The following TIAM2 variants were observed in gnomAD, a reference collection of about 807,000 sequenced individuals.
TIAM2 encodes the protein rho guanine nucleotide exchange factor TIAM2.
TIAM2 carries 80 observed loss-of-function variants against 152.9 expected under a neutral mutation model. That is an observed-to-expected ratio of 0.52 (90% CI 0.44 to 0.63). The LOEUF (loss-of-function observed/expected upper bound fraction) is 0.63. TIAM2 is among the 30% of genes least tolerant of loss of function. The pLI is 0.00. For missense variants in TIAM2, 1,965 were observed against 2,120.1 expected (o/e 0.93, Z 1.44); for synonymous variants, 804 against 838.0 (o/e 0.96, Z 0.70).
At chr6:155,176,768 AT>A in intron 9 of TIAM2, 47 bp from the exon 10 acceptor site, 1 of 1,595,488 alleles carries the variant, frequency 6.3e-7, no homozygotes, top group Non-Finnish European at 8.5e-7. Context: ...GGTTTCCTTC[AT>A]TTGTTAATCA....
intron 5 of TIAM2, among the ~76,000 whole-genome samples, chr6:155,141,510 T>C (rs1038357037): frequency 6.6e-6 from 1 of 152,208 alleles, no homozygotes; most frequent in African/African-American, 2.4e-5. Context: ...ACAAACCATC[T>C]GGTTATCTGC....
chr6:155,101,724 A>G (rs527709233), intron 2 of TIAM2, among the ~76,000 whole-genome samples: 21 of 152,122 alleles, frequency 1.4e-4, no homozygotes, highest in African/African-American at 4.6e-4. Context: ...TTATTTATTT[A>G]TTTAGAGACA....
rs951129846 is a variant in TIAM2, at chr6:155,180,522, T to C, written c.2707+1066T>C. Among the ~76,000 whole-genome samples, 2 of 152,246 alleles carry C rather than the reference T, an allele frequency of 1.3e-5. 1 individual carries two copies. Among genetic ancestry groups the C allele is most frequent in the East Asian group, 3.8e-4 (2 of 5,204 alleles). ...TGATTCAAACTAATAATAAAGTTTA[T>C]AATATGTTAAAATGTCCTTTTTAGG... On this transcript the variant is annotated intron_variant, in intron 12 of 26. Coordinates refer to ENST00000682666, the MANE Select transcript of TIAM2 (RefSeq NM_012454.4).
intron 14 of TIAM2, among the ~76,000 whole-genome samples, chr6:155,187,573 C>CTCTTTT (rs1781074342): frequency 4.0e-5 from 2 of 49,614 alleles, no homozygotes; most frequent in Non-Finnish European, 7.4e-5. Context: ...ACCCCGCCCC[C>CTCTTTT]TTTTTTTTTT....
chr6:155,018,396 G>C (rs1200899757), intron 1 of TIAM2, among the ~76,000 whole-genome samples: 1 of 151,914 alleles, frequency 6.6e-6, no homozygotes, highest in Admixed American at 6.6e-5. Flanking sequence ...TGGCCAGGTG[G>C]ATCACTTGAG....
chr6:155,146,862 G>C (rs1779831362), intron 6 of TIAM2, among the ~76,000 whole-genome samples: 1 of 148,656 alleles, frequency 6.7e-6, no homozygotes, highest in Admixed American at 6.7e-5. Context: ...CAAGTGACCT[G>C]CTCGCCTTGG....
chr6:155,029,551 G>A (rs1257188508), intron 1 of TIAM2, among the ~76,000 whole-genome samples: 1 of 49,256 alleles, frequency 2.0e-5, no homozygotes, highest in Admixed American at 3.0e-4. Context: ...ATATTATGTA[G>A]TATAAATATA....
At chr6:155,233,798 C>T (rs1274840192) in intron 15 of TIAM2, among the ~76,000 whole-genome samples, 1 of 151,984 alleles carries the variant, frequency 6.6e-6, no homozygotes, top group Admixed American at 6.6e-5. Flanking sequence ...CCCTTCTCTA[C>T]TAAAAATCAA....
intron 17 of TIAM2, 141 bp downstream of exon 17, chr6:155,244,220 T>A: frequency 1.2e-6 from 1 of 805,932 alleles, no homozygotes; most frequent in Non-Finnish European, 2.0e-6. Context: ...GTCCCAGGCA[T>A]AGCCTCCTCC....
chr6:155,256,909 T>G lies in TIAM2; in HGVS notation c.4894T>G (p.Phe1632Val). 6.2e-7 allele frequency: 1 copy of G among 1,614,228 alleles called. No individual in the cohort carries two copies. ...GEQPKLVRGH[F>V]CPIKRKANST... ...GCAGCCCAAACTGGTCCGGGGGCAC[T>G]TCTGCCCCATTAAACGAAAAGCCAA... is the stretch of plus-strand genomic sequence containing the variant. Residue 1632 changes from phenylalanine (F) to valine (V), a missense_variant, in exon 27 of 27, where the codon TTC (phenylalanine) becomes GTC (valine). Around this residue, in one of 3 missense-constraint regions of TIAM2, gnomAD observed 935 missense variants for 980.0 expected, o/e 0.95. Coordinates refer to ENST00000682666, the MANE Select transcript of TIAM2 (RefSeq NM_012454.4).
intron 2 of TIAM2, among the ~76,000 whole-genome samples, chr6:155,115,452 C>A (rs1170977760): frequency 6.6e-6 from 1 of 151,820 alleles, no homozygotes; most frequent in Non-Finnish European, 1.5e-5. Context: ...AGTTGAAAAT[C>A]AGCCTGGGCA....
intron 1 of TIAM2, among the ~76,000 whole-genome samples, chr6:155,055,140 T>G (rs1245210287): frequency 1.3e-5 from 2 of 152,178 alleles, no homozygotes; most frequent in African/African-American, 2.4e-5. Flanking sequence ...GGATCACTGT[T>G]CATTGCAGAA....
chr6:155,001,470 A>T (rs1443477261), intron 1 of TIAM2, among the ~76,000 whole-genome samples: 2 of 152,236 alleles, frequency 1.3e-5, no homozygotes, highest in Non-Finnish European at 2.9e-5. Flanking sequence ...TTTTTTCATA[A>T]CATTAAGGAA....
chr6:155,240,471 C>T, intron 15 of TIAM2, 59 bp from the exon 16 acceptor site: 1 of 1,521,876 alleles, frequency 6.6e-7, no homozygotes, highest in Non-Finnish European at 8.9e-7. Context: ...CCCTTGGGGG[C>T]AGCGGATACT....
Position 155,257,350 on chromosome 6 carries a change from T to C in TIAM2, c.*229T>C. The C allele has an allele frequency of 1.9e-6, 1 of 530,458 alleles. No homozygotes were observed. Among genetic ancestry groups the C allele is most frequent in the Non-Finnish European group, 3.3e-6 (1 of 304,294 alleles). The allele number at this position is 530,458 out of a possible 1,614,324, so 32.9% of individuals were successfully genotyped here. On this transcript the variant is annotated 3_prime_UTR_variant, in exon 27 of 27. Coordinates refer to ENST00000682666, the MANE Select transcript of TIAM2 (RefSeq NM_012454.4). ...GTAAATTACTTAGTTTATATCCACT[T>C]TGAGCAGGTATCAAATGATTTAGGA... is the stretch of plus-strand genomic sequence containing the variant.
chr6:155,014,473 C>G (rs953242486), intron 1 of TIAM2, among the ~76,000 whole-genome samples: 1 of 151,888 alleles, frequency 6.6e-6, no homozygotes, highest in Non-Finnish European at 1.5e-5. Context: ...TAATGTAAAT[C>G]TTGCTGAGTT....
chr6:155,171,473 G>GA lies in TIAM2; in HGVS notation c.2362-5339dup, dbSNP rs572944077. 6.6e-5 allele frequency among the ~76,000 whole-genome samples: 10 copies of GA among 152,172 alleles called. No homozygotes were observed. In the South Asian group the frequency reaches 2.1e-3, roughly 32 times the overall value. On this transcript the variant is annotated intron_variant, in intron 9 of 26. Coordinates refer to ENST00000682666, the MANE Select transcript of TIAM2 (RefSeq NM_012454.4). ...CCCTGGGCCTTGGCCCCTTCTTCTGGAAAATTGGCTTGGGGTATTCCAACT... is the reference window on the plus strand; with the variant it reads ...CCCTGGGCCTTGGCCCCTTCTTCTGGAAAAATTGGCTTGGGGTATTCCAACT...
chr6:155,002,028 T>C (rs2114836584), intron 1 of TIAM2, among the ~76,000 whole-genome samples: 1 of 152,368 alleles, frequency 6.6e-6, no homozygotes, highest in South Asian at 2.1e-4. Flanking sequence ...TAAAGAGCAT[T>C]CTGTGCCTTA....
chr6:155,149,911 A>G (rs553379261), intron 7 of TIAM2, among the ~76,000 whole-genome samples: 17 of 148,056 alleles, frequency 1.1e-4, no homozygotes, highest in Non-Finnish European at 7.5e-5. Context: ...GAAGAGTGAG[A>G]CTCTGTATAA....
Sources: gnomAD v4.1 joint callset for allele counts (sites outside exome capture counted in the v4.1 genomes callset) on GRCh38, gnomAD v4.1.1 for gene constraint, gnomAD v4.1.1 regional missense constraint, MANE v1.5 for transcripts, NCBI Gene and HGNC (gene_info 2026-07-23, HGNC 2026-07-21) for gene names.